Variants in DIP2C observed in about 807,000 individuals in gnomAD.
DIP2C encodes the protein disco-interacting protein 2 homolog C.
A neutral mutation model predicts 192.4 loss-of-function variants in DIP2C; 33 were observed. The ratio of observed to expected loss-of-function variants is 0.17; its 90% confidence interval spans 0.13 to 0.23. The LOEUF is 0.23. Ranked by LOEUF, DIP2C falls within the 10% of genes least tolerant of loss-of-function variation. The pLI is 1.00. For synonymous variants in DIP2C, 979 were observed against 864.1 expected, an observed-to-expected ratio of 1.13 and a Z score of -2.33; for missense variants, 1,537 against 2,110.1, an observed-to-expected ratio of 0.73 and a Z score of 5.32.
intron 1 of DIP2C, among the ~76,000 whole-genome samples, chr10:518,877 A>AG (rs1419869380): frequency 6.6e-6 from 1 of 152,148 alleles, no homozygotes; most frequent in African/African-American, 2.4e-5. Context: ...TTAAAGGAAA[A>AG]GGAGGATCAT....
At chr10:351,205 G>A (rs1019207440) in intron 24 of DIP2C, among the ~76,000 whole-genome samples, 13 of 152,306 alleles carry the variant, frequency 8.5e-5, no homozygotes, top group African/African-American at 3.1e-4. Context: ...AACAGTATCT[G>A]GGGCTATTCA....
chr10:347,971 T>TCA (rs1180393240), intron 26 of DIP2C, among the ~76,000 whole-genome samples: 10 of 119,488 alleles, frequency 8.4e-5, no homozygotes, highest in African/African-American at 3.4e-4. Context: ...CCTGGAAACG[T>TCA]CACACACACC....
chr10:504,053 G>C (rs181652478), intron 1 of DIP2C, among the ~76,000 whole-genome samples: 22 of 152,318 alleles, frequency 1.4e-4, no homozygotes, highest in African/African-American at 5.3e-4. Flanking sequence ...TGTAACCTGA[G>C]AGGATTTCAT....
chr10:448,047 G>C (rs1968440680), intron 3 of DIP2C, among the ~76,000 whole-genome samples: 1 of 129,176 alleles, frequency 7.7e-6, no homozygotes, highest in Non-Finnish European at 1.6e-5. Context: ...ACACACAGTA[G>C]GGCAGCAGGA....
chr10:314,840 G>A (rs1224078078), intron 31 of DIP2C, among the ~76,000 whole-genome samples: 1 of 152,158 alleles, frequency 6.6e-6, no homozygotes, highest in African/African-American at 2.4e-5. Flanking sequence ...CCTTCTAAAG[G>A]CCTCATGTCT....
intron 1 of DIP2C, among the ~76,000 whole-genome samples, chr10:670,869 T>C (rs917260531): frequency 6.6e-6 from 1 of 152,244 alleles, no homozygotes; most frequent in African/African-American, 2.4e-5. Flanking sequence ...TTAATTGTTA[T>C]ACCAGGTGGA....
intron 3 of DIP2C, among the ~76,000 whole-genome samples, chr10:467,539 T>G (rs9731113): frequency 1.4e-4 from 1 of 7,356 alleles, no homozygotes; most frequent in East Asian, 0.026. Context: ...AAAAAAAAAA[T>G]AAATAAAATA....
chr10:369,935 C>T, intron 17 of DIP2C: 1 of 983,800 alleles, frequency 1.0e-6, no homozygotes, highest in Middle Eastern at 5.2e-4. Context: ...AGCTCTCTCT[C>T]CCCTCCCTCC....
intron 1 of DIP2C, among the ~76,000 whole-genome samples, chr10:601,158 C>T (rs1449505030): frequency 2.0e-5 from 3 of 152,188 alleles, no homozygotes; most frequent in Admixed American, 1.3e-4. Flanking sequence ...TCGCCTGCTG[C>T]ACCCAACTGT....
intron 10 of DIP2C, among the ~76,000 whole-genome samples, chr10:397,569 GGGCAGTGTGCACAGGCACATTGC>G (rs1564659950): frequency 3.3e-5 from 5 of 150,626 alleles, no homozygotes; most frequent in Non-Finnish European, 7.4e-5. Context: ...GATGGTTTAA[GGGCAGTGTGCACAGGCACATTGC>G]AGGTTCAGAC....
intron 21 of DIP2C, among the ~76,000 whole-genome samples, 175 bp from the exon 22 acceptor site, chr10:362,866 GAAT>G (rs1959701043): frequency 6.6e-6 from 1 of 152,024 alleles, no homozygotes; most frequent in South Asian, 2.1e-4. Flanking sequence ...CACCAAAGCT[GAAT>G]AATGTTACCC....
At chr10:310,748 T>G (rs1217292535) in intron 31 of DIP2C, among the ~76,000 whole-genome samples, 1 of 152,158 alleles carries the variant, frequency 6.6e-6, no homozygotes, top group African/African-American at 2.4e-5. Flanking sequence ...CACCATAAAT[T>G]GCTTGAAAAA....
intron 2 of DIP2C, among the ~76,000 whole-genome samples, chr10:477,014 A>T (rs889158542): frequency 8.8e-4 from 1 of 1,140 alleles, no homozygotes; most frequent in African/African-American, 3.8e-3. Flanking sequence ...GAACATTTCC[A>T]TTTAAATCCA....
At chr10:480,352 C>CCAG (rs1186195234) in intron 2 of DIP2C, among the ~76,000 whole-genome samples, 7 of 150,204 alleles carry the variant, frequency 4.7e-5, no homozygotes, top group Admixed American at 4.6e-4. Flanking sequence ...GTCTCATCCA[C>CCAG]CAGCCTGAGC....
intron 32 of DIP2C, 151 bp downstream of exon 32, chr10:309,880 T>A (rs1189624621): frequency 2.7e-6 from 2 of 741,316 alleles, no homozygotes; most frequent in Non-Finnish European, 4.3e-6. Context: ...TTCAAGCCAA[T>A]GCCTAACTCC....
intron 2 of DIP2C, among the ~76,000 whole-genome samples, chr10:472,874 A>G (rs929729945): frequency 1.3e-5 from 2 of 151,836 alleles, no homozygotes; most frequent in African/African-American, 4.9e-5. Flanking sequence ...GGCCCAAGAC[A>G]TAGACTCAAG....
chr10:324,913 C>A (rs758293900), intron 31 of DIP2C: 1 of 532,206 alleles, frequency 1.9e-6, no homozygotes, highest in East Asian at 5.5e-5. Context: ...TGTTTTGGTT[C>A]TTTTTTCACG....
intron 1 of DIP2C, among the ~76,000 whole-genome samples, chr10:551,134 G>T (rs1449453169): frequency 6.6e-6 from 1 of 152,202 alleles, no homozygotes; most frequent in African/African-American, 2.4e-5. Flanking sequence ...TGTGGCTCTG[G>T]TAGAGGCAGC....
At chr10:503,415 C>CCA (rs780600773) in intron 1 of DIP2C, among the ~76,000 whole-genome samples, 5 of 152,156 alleles carry the variant, frequency 3.3e-5, no homozygotes, top group Non-Finnish European at 7.4e-5. Context: ...AAAGAACTGA[C>CCA]CACAAAAGAG....
Sources: gnomAD v4.1 joint callset for allele counts (sites outside exome capture counted in the v4.1 genomes callset) on GRCh38, gnomAD v4.1.1 for gene constraint, MANE v1.5 for transcripts, NCBI Gene and HGNC (gene_info 2026-07-23, HGNC 2026-07-21) for gene names.